Variants in PPP2R5D observed in about 807,000 individuals in gnomAD.
PPP2R5D encodes the protein protein phosphatase 2 regulatory subunit B'delta.
In PPP2R5D, 12 loss-of-function variants were observed where a neutral mutation model predicts 79.1. That is an observed-to-expected ratio of 0.15 (90% CI 0.10 to 0.25). The LOEUF is 0.25. Among genes scored for constraint, PPP2R5D ranks in the 10% least tolerant of loss-of-function variants. The pLI is 1.00. For synonymous variants in PPP2R5D, 277 were observed against 286.6 expected (o/e 0.97, Z 0.34); for missense variants, 419 against 760.2 (o/e 0.55, Z 5.28).
rs1469163405 is a variant in PPP2R5D, at chr6:43,008,988, T to C, written c.1081-69T>C. On this transcript the variant is annotated intron_variant, in intron 10 of 15. Transcript: ENST00000485511. The surrounding 1 kb of genome is among the most constrained non-coding windows in gnomAD (Gnocchi z 4.2). ...CCACCAGGGTGGGGGAGAGAGCAGG[T>C]AGGAAAACTTCCTGGTGACCTAGGC... is the stretch of plus-strand genomic sequence containing the variant. 5.2e-6 allele frequency: 8 copies of C among 1,548,474 alleles called. No individual in the cohort carries two copies. The Middle Eastern group carries it at 7.9e-4, about 154-fold the overall frequency.
intron 2 of PPP2R5D, among the ~76,000 whole-genome samples, chr6:42,989,965 G>T (rs1771143438): frequency 6.6e-6 from 1 of 151,948 alleles, no homozygotes; most frequent in Admixed American, 6.6e-5. Context: ...CTTTTTCTTA[G>T]GGCAAAAAGC....
chr6:43,002,148 G>T (rs532065040), intron 2 of PPP2R5D, among the ~76,000 whole-genome samples: 2 of 151,554 alleles, frequency 1.3e-5, no homozygotes, highest in South Asian at 4.2e-4. Flanking sequence ...AAGCTCCACA[G>T]ATAAGGGTTT....
chr6:42,992,709 G>A (rs758766393), intron 2 of PPP2R5D, among the ~76,000 whole-genome samples: 9 of 152,210 alleles, frequency 5.9e-5, no homozygotes, highest in Non-Finnish European at 1.2e-4. Context: ...TGTACTTCCA[G>A]CCACACGGGA....
intron 2 of PPP2R5D, among the ~76,000 whole-genome samples, chr6:43,000,350 A>G (rs9471990): frequency 0.29 from 42,862 of 148,740 alleles, 9,965 homozygotes; most frequent in African/African-American, 0.64. Flanking sequence ...CAATTCTCCC[A>G]TCTCAGCCTC....
At chr6:42,989,362 A>G (rs539469613) in intron 1 of PPP2R5D, among the ~76,000 whole-genome samples, 1 of 152,284 alleles carries the variant, frequency 6.6e-6, no homozygotes, top group South Asian at 2.1e-4. Context: ...ATGAGGTGAA[A>G]GATGGAGCAT....
At chr6:42,986,344 A>G (rs922219900) in intron 1 of PPP2R5D, among the ~76,000 whole-genome samples, 13 of 151,298 alleles carry the variant, frequency 8.6e-5, no homozygotes, top group African/African-American at 3.2e-4. Flanking sequence ...CTGCTCGATG[A>G]CCCCAGAGGT....
chr6:43,007,551 GC>G lies in PPP2R5D; in HGVS notation c.726+50del, dbSNP rs1354026252. 37 of 1,500,604 alleles carry G rather than the reference GC, an allele frequency of 2.5e-5. No individual in the cohort carries two copies. Among genetic ancestry groups the G allele is most frequent in the Non-Finnish European group, 3.2e-5 (35 of 1,077,440 alleles). 93.0% of individuals were successfully genotyped at this position (1,500,604 alleles called of 1,614,324 possible). ...TCCTTGCCCTCTCTTTCCATTCCAT[GC>G]CCCCTTCATCTGTGTCCCAGTGGCT... On this transcript the variant is annotated intron_variant, in intron 6 of 15. Coordinates refer to ENST00000485511, the MANE Select transcript of PPP2R5D (RefSeq NM_006245.4). The surrounding 1 kb of genome is among the most constrained non-coding windows in gnomAD (Gnocchi z 4.5).
intron 1 of PPP2R5D, among the ~76,000 whole-genome samples, chr6:42,989,117 C>A (rs139678883): frequency 6.6e-6 from 1 of 152,208 alleles, no homozygotes; most frequent in East Asian, 1.9e-4. Flanking sequence ...GAGTAGCACC[C>A]TCTTGTCTGT....
chr6:42,998,058 T>TACATATATATATATATATA (rs1391790699), intron 2 of PPP2R5D, among the ~76,000 whole-genome samples: 1 of 10,688 alleles, frequency 9.4e-5, no homozygotes, highest in African/African-American at 3.0e-4. Flanking sequence ...TATATATATA[T>TACATATATATATATATATA]TTTTTTTTTT....
rs1762089282 is a variant in PPP2R5D, at chr6:43,006,510, G to C, written c.153G>C (p.Gln51His). Residue 51 changes from glutamine (Q) to histidine (H), a missense_variant, in exon 3 of 16, where the codon CAG (glutamine) becomes CAC (histidine). Gln to His is a conservative substitution (Grantham distance 24). This residue lies in a region of PPP2R5D where 110 missense variants were observed against 147.6 expected (regional missense o/e 0.75). Coordinates refer to ENST00000485511, the MANE Select transcript of PPP2R5D (RefSeq NM_006245.4). The surrounding 1 kb of genome is among the most constrained non-coding windows in gnomAD (Gnocchi z 4.7). ...QPQPQPQAQS[Q>H]PPSSNKRPSN... is the part of the protein sequence containing the mutation. ...AGCCCCAGCCCCAAGCCCAGTCTCA[G>C]CCACCGTCATCCAACAAGCGTCCCA... The C allele has an allele frequency of 6.2e-7, 1 of 1,613,870 alleles. No homozygotes were observed. The highest frequency in any genetic ancestry group is 1.7e-5 in the Admixed American group (1 of 59,986).
intron 2 of PPP2R5D, among the ~76,000 whole-genome samples, chr6:42,999,273 C>A (rs1194578979): frequency 2.6e-5 from 4 of 152,138 alleles, no homozygotes; most frequent in Non-Finnish European, 4.4e-5. Context: ...CCCCCACCTC[C>A]CTCTGACATG....
intron 2 of PPP2R5D, among the ~76,000 whole-genome samples, chr6:42,993,228 C>T (rs12333001): frequency 0.12 from 17,704 of 151,268 alleles, 1,589 homozygotes; most frequent in African/African-American, 0.23. Flanking sequence ...ACCCAAGAGC[C>T]GGAGGATGCA....
At chr6:42,991,322 A>G (rs564285538) in intron 2 of PPP2R5D, among the ~76,000 whole-genome samples, 1 of 152,282 alleles carries the variant, frequency 6.6e-6, no homozygotes, top group East Asian at 1.9e-4. Context: ...AGTCCTGAAA[A>G]TCCTGGGAGA....
chr6:42,993,076 C>A (rs1194556821), intron 2 of PPP2R5D, among the ~76,000 whole-genome samples: 1 of 152,022 alleles, frequency 6.6e-6, no homozygotes, highest in Non-Finnish European at 1.5e-5. Flanking sequence ...GCGGGTGGAT[C>A]ACCTGAGGTC....
intron 2 of PPP2R5D, among the ~76,000 whole-genome samples, chr6:42,997,520 A>G (rs566338255): frequency 2.6e-4 from 37 of 144,540 alleles, no homozygotes; most frequent in Admixed American, 1.1e-3. Flanking sequence ...ATTTTATTTT[A>G]TTTTTTGAGA....
At position 43,010,870 on chromosome 6, in the gene PPP2R5D, T is replaced by A; in HGVS notation, c.1555-11T>A. 1.2e-6 allele frequency: 2 copies of A among 1,610,428 alleles called. No individual in the cohort carries two copies. Among genetic ancestry groups the A allele is most frequent in the Non-Finnish European group, 1.7e-6 (2 of 1,177,238 alleles). ...GTGGCTCTTAACGCTTGTCCATGTC[T>A]CCTCACTCAGTATCCCATGTTCCGA... On this transcript the variant is annotated splice_polypyrimidine_tract_variant and intron_variant, in intron 14 of 15. Coordinates refer to ENST00000485511, the MANE Select transcript of PPP2R5D (RefSeq NM_006245.4). This position sits in a 1 kb window ranked among gnomAD's most constrained non-coding sequence, Gnocchi z 4.7.
intron 2 of PPP2R5D, among the ~76,000 whole-genome samples, chr6:42,998,054 T>TAC (rs1771908789): frequency 4.3e-5 from 1 of 23,452 alleles, no homozygotes; most frequent in African/African-American, 1.3e-4. Context: ...TATATATATA[T>TAC]ATATTTTTTT....
chr6:42,998,040 T>TATATATATACAC (rs1771873434), intron 2 of PPP2R5D, among the ~76,000 whole-genome samples: 2 of 29,298 alleles, frequency 6.8e-5, no homozygotes, highest in African/African-American at 1.8e-4. Context: ...TATATATATA[T>TATATATATACAC]ATATATATAT....
Position 43,008,760 on chromosome 6 carries a change from C to T in PPP2R5D, c.1080+14C>T, listed in dbSNP as rs374051960. 3.5e-5 allele frequency: 56 copies of T among 1,613,114 alleles called. No homozygotes were observed. Among genetic ancestry groups the T allele is most frequent in the African/African-American group, 3.2e-4 (24 of 75,030 alleles). On this transcript the variant is annotated intron_variant, in intron 10 of 15. Transcript: ENST00000485511. The surrounding 1 kb of genome is among the most constrained non-coding windows in gnomAD (Gnocchi z 4.2). ...CTGACTGAGCCGGTAATTCCCCTTC[C>T]GGGCCCCAAGGCCCACCTCTTACTG...
Sources: gnomAD v4.1 joint callset for allele counts (sites outside exome capture counted in the v4.1 genomes callset) on GRCh38, gnomAD v4.1.1 for gene constraint, gnomAD v4.1.1 regional missense constraint, Gnocchi (gnomAD v3.1) non-coding constraint, MANE v1.5 for transcripts, NCBI Gene and HGNC (gene_info 2026-07-23, HGNC 2026-07-21) for gene names.